Variants in NOTCH2 observed in about 807,000 individuals in gnomAD.
The protein encoded by NOTCH2 is neurogenic locus notch homolog protein 2.
Under a neutral mutation model 235.8 loss-of-function variants are expected in NOTCH2, and 29 were observed. The ratio of observed to expected loss-of-function variants is 0.12; its 90% CI spans 0.09 to 0.17. The LOEUF is 0.17. Ranked by LOEUF, NOTCH2 falls within the 10% of genes least tolerant of loss-of-function variation. The probability of loss-of-function intolerance (pLI) is 1.00; values close to 1 mark genes in which losing one functional copy is unlikely to be tolerated. For synonymous variants in NOTCH2, 1,086 were observed against 1,141.5 expected, an observed-to-expected ratio of 0.95 and a Z score of 0.98; for missense variants, 2,285 against 3,150.2, an observed-to-expected ratio of 0.73 and a Z score of 6.57.
chr1:120,017,636 CTAAT>C (rs1290674198), intron 2 of NOTCH2, among the ~76,000 whole-genome samples: 1 of 149,934 alleles, frequency 6.7e-6, no homozygotes, highest in African/African-American at 2.5e-5. Flanking sequence ...ATTTTCAAAA[CTAAT>C]TAAGATTCCT....
chr1:120,005,385 G>A lies in NOTCH2; in HGVS notation c.359C>T (p.Thr120Ile), dbSNP rs2101242201. 1 of 1,614,032 alleles carries A rather than the reference G, an allele frequency of 6.2e-7. No homozygotes were observed. Among genetic ancestry groups the A allele is most frequent in the Non-Finnish European group, 8.5e-7 (1 of 1,179,868 alleles). ...FVSRPCLNGG[T>I]CHMLSRDTYE... ...GGTATCCCGGCTGAGCATATGGCAT[G>A]TGCCGCCATTCAGGCAGGGTCGAGA... The change falls in exon 3 of 34, where the codon ACA (threonine) becomes ATA (isoleucine). Residue 120 changes from threonine to isoleucine, a missense_variant. Coordinates refer to ENST00000256646, the MANE Select transcript of NOTCH2 (RefSeq NM_024408.4).
intron 3 of NOTCH2, among the ~76,000 whole-genome samples, chr1:119,999,992 G>C (rs2603820): frequency 6.9e-6 from 1 of 144,816 alleles, no homozygotes; most frequent in Non-Finnish European, 1.5e-5. Context: ...AGGAAGGAAG[G>C]AAGGAAGGAA....
intron 17 of NOTCH2, among the ~76,000 whole-genome samples, chr1:119,946,035 C>G (rs918797692): frequency 1.8e-4 from 28 of 152,002 alleles, no homozygotes; most frequent in African/African-American, 6.7e-4. Flanking sequence ...TATTAAAGCA[C>G]AGTAAGGAAA....
chr1:119,971,448 T>C (rs777770295), intron 5 of NOTCH2, among the ~76,000 whole-genome samples: 5 of 152,322 alleles, frequency 3.3e-5, no homozygotes, highest in African/African-American at 7.2e-5. Flanking sequence ...TCCCAAATTA[T>C]TGGAGTAGGA....
At chr1:119,957,121 C>T (rs782447248) in intron 12 of NOTCH2, among the ~76,000 whole-genome samples, 4 of 152,206 alleles carry the variant, frequency 2.6e-5, no homozygotes, top group Non-Finnish European at 5.9e-5. Flanking sequence ...ATTCACTAAG[C>T]GTTTCCTACG....
intron 31 of NOTCH2, among the ~76,000 whole-genome samples, chr1:119,919,097 T>A (rs1453627616): frequency 6.6e-6 from 1 of 152,220 alleles, no homozygotes; most frequent in Non-Finnish European, 1.5e-5. Flanking sequence ...TGGTGTTGTC[T>A]GCAGTTGGCT....
At chr1:119,959,248 G>C (rs1010774694) in intron 12 of NOTCH2, 144 bp downstream of exon 12, 15 of 668,446 alleles carry the variant, frequency 2.2e-5, no homozygotes, top group Admixed American at 1.7e-4. Context: ...ACAGAAAACT[G>C]ATCTAGAGAA....
At chr1:120,027,849 G>C (rs1653927710) in intron 2 of NOTCH2, among the ~76,000 whole-genome samples, 1 of 146,740 alleles carries the variant, frequency 6.8e-6, no homozygotes, top group Non-Finnish European at 1.5e-5. Context: ...ATGTATACAT[G>C]CCACATTTTC....
At chr1:119,957,829 AACACAC>A (rs3222739) in intron 12 of NOTCH2, among the ~76,000 whole-genome samples, 6,328 of 116,428 alleles carry the variant, frequency 0.054, 244 homozygotes, top group African/African-American at 0.11. Flanking sequence ...GCCTTATATA[AACACAC>A]ACACACACAC....
intron 29 of NOTCH2, among the ~76,000 whole-genome samples, chr1:119,920,610 C>T (rs979889260): frequency 2.6e-5 from 4 of 152,156 alleles, no homozygotes; most frequent in Non-Finnish European, 5.9e-5. Context: ...TAGACAACTC[C>T]CTCCCCCAAT....
At chr1:120,011,783 G>A (rs1251421451) in intron 2 of NOTCH2, among the ~76,000 whole-genome samples, 3 of 152,002 alleles carry the variant, frequency 2.0e-5, no homozygotes, top group Admixed American at 6.6e-5. Context: ...TTGGGAGACC[G>A]AGGCAGGCAG....
At chr1:119,996,350 C>A in intron 4 of NOTCH2, 1 of 394,684 alleles carries the variant, frequency 2.5e-6, no homozygotes, top group Middle Eastern at 7.6e-4. Context: ...CACGCATAGT[C>A]TCTCATATAT....
chr1:120,065,264 T>C (rs587774648), intron 1 of NOTCH2, among the ~76,000 whole-genome samples: 3 of 152,298 alleles, frequency 2.0e-5, no homozygotes, highest in African/African-American at 7.2e-5. Context: ...ACCACAGTTG[T>C]CCAAAATAAG....
chr1:120,023,240 A>T (rs1653701266), intron 2 of NOTCH2, among the ~76,000 whole-genome samples: 1 of 150,966 alleles, frequency 6.6e-6, no homozygotes, highest in African/African-American at 2.4e-5. Context: ...GATAGAGACC[A>T]TCCTGGCTAA....
intron 22 of NOTCH2, among the ~76,000 whole-genome samples, chr1:119,934,319 G>T (rs782452202): frequency 6.6e-6 from 1 of 152,030 alleles, no homozygotes; most frequent in African/African-American, 2.4e-5. Context: ...TACCTCTTTC[G>T]AAAAATAAAT....
In NOTCH2 at chr1:119,950,966, A is replaced by C. The variant is rs1377209972; in HGVS notation, c.2366-129T>G. The C allele has an allele frequency of 1.1e-5, 8 of 718,040 alleles. No individual in the cohort carries two copies. The African/African-American group carries it at 1.2e-4, about 11-fold the overall frequency. The allele number at this position is 718,040 out of a possible 1,614,324, so 44.5% of individuals were successfully genotyped here. ...GCATTCATTTCTTCAGGCCACTGAA[A>C]TACCTGTTCATTCATTTCAGCCCCA... On this transcript the variant is annotated intron_variant, in intron 14 of 33. Coordinates refer to ENST00000256646, the MANE Select transcript of NOTCH2 (RefSeq NM_024408.4).
chr1:120,063,925 T>C (rs1240712943), intron 1 of NOTCH2, among the ~76,000 whole-genome samples: 4 of 152,054 alleles, frequency 2.6e-5, no homozygotes, highest in African/African-American at 9.7e-5. Flanking sequence ...TGCAGGGAGG[T>C]ATGAAACAAG....
intron 5 of NOTCH2, among the ~76,000 whole-genome samples, chr1:119,979,820 G>A (rs1557831083): frequency 6.6e-6 from 1 of 152,150 alleles, no homozygotes; most frequent in African/African-American, 2.4e-5. Context: ...AGTCTAGTGA[G>A]TGAGTGAAAG....
intron 1 of NOTCH2, chr1:120,069,118 G>A (rs1553217757): frequency 1.3e-6 from 2 of 1,523,456 alleles, no homozygotes; most frequent in South Asian, 1.2e-5. Context: ...CCCGGGCCGC[G>A]GGGAGCAGAG....
Sources: allele counts gnomAD v4.1 joint callset (sites outside exome capture counted in the v4.1 genomes callset), GRCh38; gene constraint gnomAD v4.1.1; transcripts MANE v1.5; gene names NCBI Gene and HGNC (gene_info 2026-07-23, HGNC 2026-07-21).